MAF: variants seen among roughly 807,000 people sequenced by gnomAD.
The protein encoded by MAF is MAF bZIP transcription factor.
MAF carries 10 observed loss-of-function variants against 22.0 expected under a neutral mutation model. The ratio of observed to expected loss-of-function variants is 0.45; its 90% confidence interval spans 0.28 to 0.77. MAF has a LOEUF of 0.77. Ranked by LOEUF, MAF falls within the 30% of genes least tolerant of loss-of-function variation. The pLI is 0.12. For missense variants in MAF, 544 were observed against 548.4 expected (o/e 0.99, Z 0.08); for synonymous variants, 337 against 255.8 (o/e 1.32, Z -3.03).
At chr16:79,473,877 C>G in the MAF span, among the ~76,000 whole-genome samples, 2 of 151,974 alleles carry the variant, frequency 1.3e-5, no homozygotes, top group Non-Finnish European at 2.9e-5. Context: ...AATGAGAAAT[C>G]ATCAGTGTTG....
At chr16:79,512,052 A>T in the MAF span, among the ~76,000 whole-genome samples, 1 of 152,170 alleles carries the variant, frequency 6.6e-6, no homozygotes, top group Non-Finnish European at 1.5e-5. Flanking sequence ...ATTCCTTGTT[A>T]TGGATTCTTT....
chr16:79,371,289 T>A, the MAF span, among the ~76,000 whole-genome samples: 73 of 152,212 alleles, frequency 4.8e-4, 2 homozygotes, highest in East Asian at 0.013. Flanking sequence ...AAAGTGACCC[T>A]CCCTTGAGGT....
the MAF span, among the ~76,000 whole-genome samples, chr16:79,265,400 C>T: frequency 6.6e-6 from 1 of 152,174 alleles, no homozygotes; most frequent in African/African-American, 2.4e-5. Flanking sequence ...CCAGCCTCCT[C>T]TCACTTCTCT....
chr16:79,339,053 T>G, the MAF span, among the ~76,000 whole-genome samples: 9 of 151,932 alleles, frequency 5.9e-5, no homozygotes, highest in South Asian at 2.1e-4. Flanking sequence ...AATTTTTTAT[T>G]TTTATTTTTT....
the MAF span, among the ~76,000 whole-genome samples, chr16:79,226,551 A>G: frequency 6.6e-6 from 1 of 152,146 alleles, no homozygotes. Flanking sequence ...CAAAATGTTT[A>G]TAACCTATTA....
chr16:79,441,357 A>G, the MAF span, among the ~76,000 whole-genome samples: 5 of 152,234 alleles, frequency 3.3e-5, no homozygotes, highest in African/African-American at 1.2e-4. Flanking sequence ...AAGAGAAGGT[A>G]TAGAACAGGG....
the MAF span, among the ~76,000 whole-genome samples, chr16:79,574,934 G>C: frequency 0.32 from 47,956 of 151,748 alleles, 7,871 homozygotes; most frequent in Non-Finnish European, 0.36. Context: ...GCAGCTTCTT[G>C]CCTTTCTGGG....
the MAF span, among the ~76,000 whole-genome samples, chr16:79,501,767 G>A: frequency 2.6e-5 from 4 of 151,978 alleles, no homozygotes; most frequent in South Asian, 2.1e-4. Context: ...AATCCCCTTC[G>A]GCACCGGACA....
chr16:79,399,061 G>C, the MAF span, among the ~76,000 whole-genome samples: 1 of 152,312 alleles, frequency 6.6e-6, no homozygotes, highest in Admixed American at 6.5e-5. Flanking sequence ...GCACTCAGTA[G>C]ACAGACAAGG....
the MAF span, among the ~76,000 whole-genome samples, chr16:79,563,604 A>T: frequency 1.3e-5 from 2 of 152,156 alleles, no homozygotes; most frequent in East Asian, 1.9e-4. Flanking sequence ...CATTTAAAAT[A>T]ATATTAAAAA....
At chr16:79,314,544 G>C in the MAF span, among the ~76,000 whole-genome samples, 1 of 152,048 alleles carries the variant, frequency 6.6e-6, no homozygotes, top group Non-Finnish European at 1.5e-5. Flanking sequence ...GGAGAGCAGA[G>C]GAGGGGCTTC....
chr16:79,402,852 A>T, the MAF span, among the ~76,000 whole-genome samples: 1 of 152,230 alleles, frequency 6.6e-6, no homozygotes, highest in Non-Finnish European at 1.5e-5. Flanking sequence ...AGTTCCAAGG[A>T]GTAGAGGAGG....
the MAF span, among the ~76,000 whole-genome samples, chr16:79,400,570 C>A: frequency 1.9e-4 from 29 of 152,224 alleles, no homozygotes; most frequent in Admixed American, 1.9e-3. Flanking sequence ...CTCCTCCACT[C>A]TAAAATGGGT....
At chr16:79,419,841 A>G in the MAF span, among the ~76,000 whole-genome samples, 8 of 152,102 alleles carry the variant, frequency 5.3e-5, no homozygotes, top group African/African-American at 1.9e-4. Flanking sequence ...CTGTTCATCC[A>G]TTAACCACCC....
chr16:79,242,574 A>C, the MAF span, among the ~76,000 whole-genome samples: 1 of 151,934 alleles, frequency 6.6e-6, no homozygotes, highest in Non-Finnish European at 1.5e-5. Context: ...GAGACCTACA[A>C]GGAGACTTAG....
the MAF span, among the ~76,000 whole-genome samples, chr16:79,402,053 G>C: frequency 6.6e-6 from 1 of 152,190 alleles, no homozygotes; most frequent in Non-Finnish European, 1.5e-5. Flanking sequence ...AACATGGACT[G>C]TGGGATCAGA....
At chr16:79,395,037 T>A in the MAF span, among the ~76,000 whole-genome samples, 3 of 152,132 alleles carry the variant, frequency 2.0e-5, no homozygotes, top group Non-Finnish European at 4.4e-5. Context: ...ATTACTCCAA[T>A]GAATATATAT....
chr16:79,536,520 T>G, the MAF span, among the ~76,000 whole-genome samples: 1 of 152,166 alleles, frequency 6.6e-6, no homozygotes. Flanking sequence ...TGCACACCTG[T>G]AGTCTCAGCT....
the MAF span, among the ~76,000 whole-genome samples, chr16:79,473,597 A>G: frequency 6.6e-6 from 1 of 152,216 alleles, no homozygotes; most frequent in Non-Finnish European, 1.5e-5. Context: ...CAGGGCATGC[A>G]GACCTCAGCC....
Sources: gnomAD v4.1 joint callset for allele counts (sites outside exome capture counted in the v4.1 genomes callset) on GRCh38, gnomAD v4.1.1 for gene constraint, MANE v1.5 for transcripts, NCBI Gene and HGNC (gene_info 2026-07-23, HGNC 2026-07-21) for gene names.